Variants in SGMS1 observed in about 807,000 individuals in gnomAD.
SGMS1 encodes sphingomyelin synthase 1.
A neutral mutation model predicts 46.2 loss-of-function variants in SGMS1; 13 were observed. That is an observed-to-expected ratio of 0.28 (90% CI 0.18 to 0.45). The LOEUF is 0.45. Among genes scored for constraint, SGMS1 ranks in the 20% least tolerant of loss-of-function variants. The pLI is 1.00. For missense variants in SGMS1, 324 were observed against 519.9 expected, an observed-to-expected ratio of 0.62 and a Z score of 3.66; for synonymous variants, 203 against 187.8, an observed-to-expected ratio of 1.08 and a Z score of -0.66.
intron 2 of SGMS1, among the ~76,000 whole-genome samples, chr10:50,551,881 G>T (rs1254210725): frequency 6.6e-6 from 1 of 152,046 alleles, no homozygotes; most frequent in East Asian, 1.9e-4. Flanking sequence ...CAAATCTGAA[G>T]ATACCACCTC....
Position 50,527,701 on chromosome 10 carries a change from C to A in SGMS1, c.-588-7780G>T, listed in dbSNP as rs994344490. Among the ~76,000 whole-genome samples the A allele has an allele frequency of 2.6e-5, 4 of 152,128 alleles. No homozygotes were observed. In the South Asian group the frequency reaches 6.2e-4, roughly 24 times the overall value. ...GACACATAACAGGAAGAAGAAAAGG[C>A]CTTTAACTACAAAATGATGTGTTTA... On this transcript the variant is annotated intron_variant, in intron 2 of 10. Transcript: ENST00000361781.
chr10:50,458,766 C>T (rs555663035), intron 5 of SGMS1, among the ~76,000 whole-genome samples: 76 of 152,036 alleles, frequency 5.0e-4, no homozygotes, highest in South Asian at 2.1e-3. Flanking sequence ...AGGATTTTTA[C>T]GGTGATTTAA....
intron 6 of SGMS1, among the ~76,000 whole-genome samples, chr10:50,429,936 C>A (rs1849384575): frequency 6.6e-6 from 1 of 152,104 alleles, no homozygotes; most frequent in Non-Finnish European, 1.5e-5. Flanking sequence ...CAAAATGACA[C>A]CCAACTAAGA....
chr10:50,409,980 T>C (rs1413235764), intron 6 of SGMS1, among the ~76,000 whole-genome samples: 6 of 152,210 alleles, frequency 3.9e-5, no homozygotes, highest in African/African-American at 1.2e-4. Flanking sequence ...ATTTTGTCTA[T>C]GAACTGCTTT....
intron 2 of SGMS1, among the ~76,000 whole-genome samples, chr10:50,520,332 G>T (rs1275698778): frequency 6.6e-6 from 1 of 152,100 alleles, no homozygotes; most frequent in Middle Eastern, 3.2e-3. Context: ...GGAGGCTGCA[G>T]TGCGCCGTGA....
intron 6 of SGMS1, among the ~76,000 whole-genome samples, chr10:50,378,632 A>G (rs1351446880): frequency 1.3e-5 from 2 of 152,218 alleles, no homozygotes. Flanking sequence ...ATATATAGTA[A>G]GATATAAAAC....
intron 6 of SGMS1, among the ~76,000 whole-genome samples, chr10:50,414,549 T>C (rs909770268): frequency 6.6e-6 from 1 of 152,260 alleles, no homozygotes; most frequent in Admixed American, 6.5e-5. Flanking sequence ...TATCCGATTC[T>C]GCTTTAAGCA....
chr10:50,623,062 G>A (rs1336952166), intron 1 of SGMS1, among the ~76,000 whole-genome samples: 2 of 152,150 alleles, frequency 1.3e-5, no homozygotes, highest in Admixed American at 1.3e-4. Context: ...CGGGGTCTCA[G>A]AGCCGCCCGC....
chr10:50,561,872 C>G (rs1293502434), intron 2 of SGMS1, among the ~76,000 whole-genome samples: 1 of 152,128 alleles, frequency 6.6e-6, no homozygotes, highest in Non-Finnish European at 1.5e-5. Context: ...GACCTCTCCC[C>G]ACAGAGGACC....
At chr10:50,378,622 A>G (rs1328020266) in intron 6 of SGMS1, among the ~76,000 whole-genome samples, 1 of 152,220 alleles carries the variant, frequency 6.6e-6, no homozygotes, top group Non-Finnish European at 1.5e-5. Flanking sequence ...AAACTCATAT[A>G]TATATAGTAA....
chr10:50,558,253 G>A (rs545123738), intron 2 of SGMS1, among the ~76,000 whole-genome samples: 50 of 152,226 alleles, frequency 3.3e-4, no homozygotes, highest in African/African-American at 9.6e-4. Flanking sequence ...ATGGGTCAAC[G>A]AACTCTCATT....
chr10:50,477,320 T>G (rs1399659544), intron 3 of SGMS1, among the ~76,000 whole-genome samples: 2 of 152,250 alleles, frequency 1.3e-5, no homozygotes, highest in Non-Finnish European at 2.9e-5. Context: ...ATAGGCCCTC[T>G]GTTTTGGCCA....
chr10:50,428,283 A>G (rs987944451), intron 6 of SGMS1, among the ~76,000 whole-genome samples: 19 of 152,124 alleles, frequency 1.2e-4, no homozygotes, highest in African/African-American at 3.9e-4. Context: ...AAGAAAAGAG[A>G]AAGATGGCAG....
chr10:50,510,428 G>C (rs1837743328), intron 3 of SGMS1, among the ~76,000 whole-genome samples: 1 of 152,054 alleles, frequency 6.6e-6, no homozygotes, highest in South Asian at 2.1e-4. Context: ...CGCTTATATG[G>C]TATATGTTTA....
At chr10:50,592,919 G>GCCCGTGGTGATATCCGCCTCCAAGATGT (rs2131895493) in intron 1 of SGMS1, among the ~76,000 whole-genome samples, 1 of 152,308 alleles carries the variant, frequency 6.6e-6, no homozygotes, top group Admixed American at 6.5e-5. Context: ...CTCCAAGATG[G>GCCCGTGGTGATATCCGCCTCCAAGATGT]CCCGTGGTGA....
At chr10:50,558,341 T>C (rs1838205833) in intron 2 of SGMS1, among the ~76,000 whole-genome samples, 1 of 152,222 alleles carries the variant, frequency 6.6e-6, no homozygotes, top group African/African-American at 2.4e-5. Flanking sequence ...AGGCACCATA[T>C]GACCTTTCAC....
At chr10:50,322,883 C>T (rs992509102) in intron 8 of SGMS1, among the ~76,000 whole-genome samples, 1 of 146,192 alleles carries the variant, frequency 6.8e-6, no homozygotes, top group African/African-American at 2.5e-5. Context: ...AGGTTGTTTT[C>T]AGGATGGAAC....
chr10:50,491,630 C>A (rs1222127613), intron 3 of SGMS1, among the ~76,000 whole-genome samples: 1 of 152,160 alleles, frequency 6.6e-6, no homozygotes. Context: ...GAAATTGAAT[C>A]CCTGAACAGA....
At position 50,365,255 on chromosome 10, in the gene SGMS1, C is replaced by CAAAAAAAAAAAAA. The variant is rs67951872; in HGVS notation, c.-231-20923_-231-20911dup. Among the ~76,000 whole-genome samples, 61 of 45,030 alleles carry CAAAAAAAAAAAAA rather than the reference C, an allele frequency of 1.4e-3. 2 individuals are homozygous for CAAAAAAAAAAAAA. The highest frequency in any genetic ancestry group is 5.4e-3 in the South Asian group (4 of 736). 29.5% of individuals were successfully genotyped at this position (45,030 alleles called of 152,430 possible). ...GCGACGGAGTGAGACTCCATCTCAC[C>CAAAAAAAAAAAAA]AAAAAAAAAAAAAAAAAAAAAAAGC... On this transcript the variant is annotated intron_variant, in intron 6 of 10. Transcript: ENST00000361781.
Sources: gnomAD v4.1 joint callset for allele counts (sites outside exome capture counted in the v4.1 genomes callset) on GRCh38, gnomAD v4.1.1 for gene constraint, MANE v1.5 for transcripts, NCBI Gene and HGNC (gene_info 2026-07-23, HGNC 2026-07-21) for gene names.